Variants in MAML2 observed in about 807,000 individuals in gnomAD.
MAML2 encodes the protein mastermind like transcriptional coactivator 2.
In MAML2, 22 loss-of-function variants were observed where a neutral mutation model predicts 96.1. The observed-to-expected ratio is 0.23, with a 90% CI of 0.16 to 0.33. The LOEUF is 0.33. Ranked by LOEUF, MAML2 falls within the 10% of genes least tolerant of loss-of-function variation. The probability of loss-of-function intolerance (pLI) is 1.00; values close to 1 mark genes in which losing one functional copy is unlikely to be tolerated. For synonymous variants in MAML2, 561 were observed against 521.3 expected, an observed-to-expected ratio of 1.08 and a Z score of -1.04; for missense variants, 1,367 against 1,392.4, an observed-to-expected ratio of 0.98 and a Z score of 0.29.
chr11:96,246,124 C>T (rs1167522903), intron 1 of MAML2, among the ~76,000 whole-genome samples: 2 of 152,074 alleles, frequency 1.3e-5, no homozygotes, highest in African/African-American at 4.8e-5. Context: ...GAAAGAGTTA[C>T]AGACTTGTGA....
At chr11:96,337,945 A>T (rs188995897) in intron 1 of MAML2, among the ~76,000 whole-genome samples, 2 of 152,352 alleles carry the variant, frequency 1.3e-5, no homozygotes, top group African/African-American at 4.8e-5. Context: ...GGTAACCCAG[A>T]TGGTGATCCA....
At chr11:96,283,923 T>C (rs917091517) in intron 1 of MAML2, among the ~76,000 whole-genome samples, 1 of 152,196 alleles carries the variant, frequency 6.6e-6, no homozygotes, top group African/African-American at 2.4e-5. Flanking sequence ...TTCCACTTCC[T>C]CATCTCCTAC....
chr11:96,254,999 T>C (rs1222307633), intron 1 of MAML2, among the ~76,000 whole-genome samples: 1 of 152,078 alleles, frequency 6.6e-6, no homozygotes, highest in East Asian at 1.9e-4. Context: ...TTTGGCATTT[T>C]TTTTTTAGAG....
intron 1 of MAML2, among the ~76,000 whole-genome samples, chr11:96,122,682 CA>C (rs1386215612): frequency 6.6e-6 from 1 of 152,120 alleles, no homozygotes; most frequent in African/African-American, 2.4e-5. Flanking sequence ...TCCAAGGCAG[CA>C]AATCAGAATT....
chr11:96,107,139 T>C (rs908026783), intron 1 of MAML2, among the ~76,000 whole-genome samples: 1 of 152,138 alleles, frequency 6.6e-6, no homozygotes, highest in African/African-American at 2.4e-5. Flanking sequence ...TGTTTTTGGC[T>C]TGTAACTGTT....
chr11:96,037,290 A>T (rs1179267646), intron 2 of MAML2, among the ~76,000 whole-genome samples: 3 of 152,246 alleles, frequency 2.0e-5, no homozygotes, highest in Non-Finnish European at 4.4e-5. Context: ...AAATAAGAAT[A>T]AGTGCTCTTT....
At chr11:96,264,272 A>G (rs1156780639) in intron 1 of MAML2, among the ~76,000 whole-genome samples, 1 of 152,132 alleles carries the variant, frequency 6.6e-6, no homozygotes, top group Non-Finnish European at 1.5e-5. Flanking sequence ...GAACCCATCC[A>G]TGTGTTCGTT....
At chr11:96,122,495 TGG>T (rs1047620685) in intron 1 of MAML2, among the ~76,000 whole-genome samples, 4 of 59,468 alleles carry the variant, frequency 6.7e-5, no homozygotes, top group African/African-American at 2.1e-4. Flanking sequence ...TCTTTTAGGC[TGG>T]GTGTGTGTGT....
At chr11:96,182,575 G>T (rs1461811653) in intron 1 of MAML2, among the ~76,000 whole-genome samples, 1 of 152,054 alleles carries the variant, frequency 6.6e-6, no homozygotes, top group Non-Finnish European at 1.5e-5. Context: ...CATTAGCTAA[G>T]CACAGACTGG....
chr11:96,132,151 C>T (rs1010840012), intron 1 of MAML2, among the ~76,000 whole-genome samples: 3 of 152,174 alleles, frequency 2.0e-5, no homozygotes, highest in African/African-American at 7.2e-5. Context: ...TGTTCTCACC[C>T]ATGTCACGTG....
At chr11:96,337,210 G>A (rs1172835997) in intron 1 of MAML2, among the ~76,000 whole-genome samples, 1 of 152,038 alleles carries the variant, frequency 6.6e-6, no homozygotes, top group Non-Finnish European at 1.5e-5. Context: ...AATGATGGCT[G>A]CATATATAAA....
intron 2 of MAML2, among the ~76,000 whole-genome samples, chr11:95,998,141 A>AGTCAGTCTGTCTGTCTGTCT (rs369718219): frequency 2.8e-5 from 4 of 143,652 alleles, no homozygotes; most frequent in South Asian, 2.3e-4. Context: ...TCTGTCTGTC[A>AGTCAGTCTGTCTGTCTGTCT]GTCTGTCTGT....
chr11:96,187,170 T>C (rs1369937439), intron 1 of MAML2, among the ~76,000 whole-genome samples: 4 of 152,204 alleles, frequency 2.6e-5, no homozygotes, highest in African/African-American at 9.7e-5. Flanking sequence ...ATTTGGATAC[T>C]TTCTCCCCAT....
At chr11:96,148,433 CTG>C (rs1860854817) in intron 1 of MAML2, among the ~76,000 whole-genome samples, 1 of 151,062 alleles carries the variant, frequency 6.6e-6, no homozygotes, top group Non-Finnish European at 1.5e-5. Context: ...CAATAGAAGT[CTG>C]TTAAAATGCT....
intron 1 of MAML2, among the ~76,000 whole-genome samples, chr11:96,201,440 T>C (rs1332289396): frequency 1.3e-5 from 2 of 152,196 alleles, no homozygotes; most frequent in Non-Finnish European, 2.9e-5. Context: ...TTACGCTTAG[T>C]TTGGAGTTTT....
At chr11:96,110,495 G>T (rs80159963) in intron 1 of MAML2, among the ~76,000 whole-genome samples, 1 of 152,166 alleles carries the variant, frequency 6.6e-6, no homozygotes, top group Non-Finnish European at 1.5e-5. Context: ...CAAATACTAG[G>T]TGGAAGGCAT....
intron 1 of MAML2, among the ~76,000 whole-genome samples, chr11:96,129,600 TTTTTG>T (rs1353540633): frequency 5.9e-5 from 9 of 152,190 alleles, no homozygotes; most frequent in East Asian, 1.9e-4. Flanking sequence ...TATGGGTAAT[TTTTTG>T]TTTTGTTTTG....
intron 1 of MAML2, among the ~76,000 whole-genome samples, chr11:96,311,276 A>G (rs1472131932): frequency 1.3e-5 from 2 of 152,254 alleles, no homozygotes; most frequent in Admixed American, 6.5e-5. Flanking sequence ...GAACAAAAGA[A>G]GTGAAAGAGT....
At chr11:96,024,453 G>C (rs1797643554) in intron 2 of MAML2, among the ~76,000 whole-genome samples, 1 of 152,214 alleles carries the variant, frequency 6.6e-6, no homozygotes, top group South Asian at 2.1e-4. Context: ...ACAAATGTTA[G>C]CTTTTATTAT....
Sources: allele counts gnomAD v4.1 joint callset (sites outside exome capture counted in the v4.1 genomes callset), GRCh38; gene constraint gnomAD v4.1.1; transcripts MANE v1.5; gene names NCBI Gene and HGNC (gene_info 2026-07-23, HGNC 2026-07-21).